The following MAMLD1 variants were observed in gnomAD, a reference collection of about 807,000 sequenced individuals.
The protein encoded by MAMLD1 is mastermind-like domain-containing protein 1.
Under a neutral mutation model 45.0 loss-of-function variants are expected in MAMLD1, and 14 were observed. That is an observed-to-expected ratio of 0.31 (90% CI 0.21 to 0.49). The LOEUF (loss-of-function observed/expected upper bound fraction) is 0.49, where lower values mean the gene tolerates loss of function less well. Among genes scored for constraint, MAMLD1 ranks in the 20% least tolerant of loss-of-function variants. The pLI is 0.99. For missense variants in MAMLD1, 543 were observed against 603.6 expected (o/e 0.90, Z 1.05); for synonymous variants, 254 against 247.8 (o/e 1.02, Z -0.24).
At chrX:150,390,079 G>GT (rs1182403686) in intron 1 of MAMLD1, among the ~76,000 whole-genome samples, 3 of 111,191 alleles carry the variant, frequency 2.7e-5, no homozygotes, top group African/African-American at 6.5e-5. Flanking sequence ...TTTTGTTTTT[G>GT]TTTTTTTGAG....
intron 6 of MAMLD1, chrX:150,504,124 G>A: frequency 1.3e-6 from 1 of 753,283 alleles, no homozygotes; most frequent in Non-Finnish European, 1.6e-6. Flanking sequence ...TTGTCCAAGA[G>A]GCCTGTGAGT....
chrX:150,431,089 A>G (rs2034924213), intron 1 of MAMLD1, among the ~76,000 whole-genome samples: 1 of 111,993 alleles, frequency 8.9e-6, no homozygotes, highest in African/African-American at 3.2e-5. Flanking sequence ...ATATTACTCC[A>G]TTTCTTTAAT....
chrX:150,470,688 C>T lies in MAMLD1; in HGVS notation c.1115C>T (p.Ser372Phe). Residue 372 changes from serine (S) to phenylalanine (F), a missense_variant, in exon 4 of 8, where the codon TCC (serine) becomes TTC (phenylalanine). Transcript: ENST00000370401. Reference sequence around the variant, plus strand: ...AGCCTCATGGTGTCCTGCATGTCGTCCAATACCTTGTCGGGTAGCACTCTC... The same window carrying T: ...AGCCTCATGGTGTCCTGCATGTCGTTCAATACCTTGTCGGGTAGCACTCTC... ...PQSLMVSCMS[S>F]NTLSGSTLRG... 1 of 1,212,082 alleles carries T rather than the reference C, an allele frequency of 8.3e-7. No homozygotes were observed. Among genetic ancestry groups the T allele is most frequent in the Non-Finnish European group, 1.1e-6 (1 of 895,574 alleles).
chrX:150,478,019 C>A (rs1444335984), intron 5 of MAMLD1, among the ~76,000 whole-genome samples: 2 of 112,177 alleles, frequency 1.8e-5, no homozygotes, highest in Non-Finnish European at 3.8e-5. Context: ...ACTCTCACTC[C>A]TAAAGCCTCC....
chrX:150,368,430 T>G (rs1231035944), intron 1 of MAMLD1, among the ~76,000 whole-genome samples: 1 of 110,653 alleles, frequency 9.0e-6, no homozygotes. Context: ...CTTGTAAATT[T>G]GTTTGAGTTC....
At chrX:150,461,333 C>T (rs1170797394) in intron 2 of MAMLD1, among the ~76,000 whole-genome samples, 4 of 112,846 alleles carry the variant, frequency 3.5e-5, no homozygotes, top group African/African-American at 6.4e-5. Flanking sequence ...TGGGATTAGA[C>T]AGCCCACTCG....
intron 1 of MAMLD1, among the ~76,000 whole-genome samples, chrX:150,402,985 C>G (rs1557402522): frequency 6.0e-4 from 66 of 110,297 alleles, no homozygotes; most frequent in Admixed American, 8.7e-4. Context: ...TGACGAGTTA[C>G]TGGTGCAGCA....
At chrX:150,500,080 G>A (rs2037506897) in intron 5 of MAMLD1, among the ~76,000 whole-genome samples, 1 of 112,207 alleles carries the variant, frequency 8.9e-6, no homozygotes, top group African/African-American at 3.2e-5. Context: ...AGATACTGTC[G>A]GGGCACCAGA....
intron 5 of MAMLD1, among the ~76,000 whole-genome samples, chrX:150,495,690 G>C (rs1336341527): frequency 1.8e-5 from 2 of 112,434 alleles, no homozygotes; most frequent in Non-Finnish European, 3.8e-5. Flanking sequence ...GAGTCAGAGA[G>C]GGGATTCAGA....
chrX:150,504,328 A>G (rs2148359389), intron 6 of MAMLD1: 1 of 749,097 alleles, frequency 1.3e-6, no homozygotes, highest in East Asian at 1.5e-4. Context: ...AGACATGAAC[A>G]TTTTCTAAGT....
chrX:150,475,249 T>G (rs1557406812), intron 5 of MAMLD1, among the ~76,000 whole-genome samples: 1 of 111,702 alleles, frequency 9.0e-6, no homozygotes, highest in East Asian at 2.8e-4. Context: ...TGTTCATTTC[T>G]TTAGAGGCAG....
At chrX:150,480,776 G>A (rs2036727730) in intron 5 of MAMLD1, among the ~76,000 whole-genome samples, 1 of 112,258 alleles carries the variant, frequency 8.9e-6, no homozygotes, top group Non-Finnish European at 1.9e-5. Flanking sequence ...ATAAAAGTGG[G>A]TGCTCCAGGA....
intron 6 of MAMLD1, 32 bp from the exon 7 acceptor site, chrX:150,509,930 A>G: frequency 9.8e-7 from 1 of 1,023,409 alleles, no homozygotes; most frequent in Non-Finnish European, 1.4e-6. Flanking sequence ...TGGTAGCTGT[A>G]ATCTAATTTG....
rs376483057 is a variant in MAMLD1, at chrX:150,420,829, T to A, written c.-63-24625T>A. 9.9e-4 allele frequency among the ~76,000 whole-genome samples: 111 copies of A among 112,269 alleles called. 1 individual carries two copies. The East Asian group carries it at 0.023, about 23-fold the overall frequency. On this transcript the variant is annotated intron_variant, in intron 1 of 7. Transcript: ENST00000370401. ...TCCAGCTGTGTGCTGGGAGAACCAC[T>A]GCTCTCTTCAAAGCTGTCAGACAGG... is the stretch of plus-strand genomic sequence containing the variant.
At chrX:150,465,793 G>GC (rs2036199538) in intron 3 of MAMLD1, among the ~76,000 whole-genome samples, 1 of 112,740 alleles carries the variant, frequency 8.9e-6, no homozygotes, top group Non-Finnish European at 1.9e-5. Flanking sequence ...CTGTGGGACA[G>GC]CTAGGACTAA....
chrX:150,395,755 A>C (rs950617523), intron 1 of MAMLD1, among the ~76,000 whole-genome samples: 1 of 110,533 alleles, frequency 9.0e-6, no homozygotes, highest in African/African-American at 3.3e-5. Context: ...TATGCTTTGA[A>C]TGTCCATGGG....
chrX:150,453,253 T>C (rs930704907), intron 2 of MAMLD1, among the ~76,000 whole-genome samples: 2 of 112,178 alleles, frequency 1.8e-5, no homozygotes, highest in African/African-American at 6.5e-5. Context: ...TAAACTTTTA[T>C]TAGCACACAG....
chrX:150,456,722 C>T (rs1362560227), intron 2 of MAMLD1, among the ~76,000 whole-genome samples: 1 of 112,498 alleles, frequency 8.9e-6, no homozygotes, highest in Non-Finnish European at 1.9e-5. Context: ...ACGTCTCTTG[C>T]TGCTTCTGGC....
At chrX:150,448,288 A>T (rs906545622) in intron 2 of MAMLD1, among the ~76,000 whole-genome samples, 17 of 111,995 alleles carry the variant, frequency 1.5e-4, no homozygotes, top group Non-Finnish European at 2.8e-4. Flanking sequence ...TTTACTAAGC[A>T]TTTTTGGGGC....
Sources: allele counts gnomAD v4.1 joint callset (sites outside exome capture counted in the v4.1 genomes callset), GRCh38; gene constraint gnomAD v4.1.1; transcripts MANE v1.5; gene names NCBI Gene and HGNC (gene_info 2026-07-23, HGNC 2026-07-21).